The following RAD51B variants were observed in gnomAD, a reference collection of about 807,000 sequenced individuals.
The protein encoded by RAD51B is RAD51 paralog B, also known as DNA repair protein RAD51 homolog 2.
In RAD51B, 38 loss-of-function variants were observed where a neutral mutation model predicts 42.2. The observed-to-expected ratio is 0.90, with a 90% CI of 0.70 to 1.18. The LOEUF (loss-of-function observed/expected upper bound fraction) is 1.18. Ranked by LOEUF, RAD51B falls within the 50% of genes most tolerant of loss-of-function variation. The pLI is 0.00. For synonymous variants in RAD51B, 154 were observed against 145.2 expected, an observed-to-expected ratio of 1.06 and a Z score of -0.43; for missense variants, 373 against 400.7, an observed-to-expected ratio of 0.93 and a Z score of 0.59.
intron 7 of RAD51B, among the ~76,000 whole-genome samples, chr14:68,114,868 T>C (rs1030806149): frequency 1.4e-4 from 22 of 152,292 alleles, no homozygotes; most frequent in African/African-American, 5.3e-4. Context: ...AGTATGAAAC[T>C]AGGTTTTCTT....
At chr14:68,540,166 C>CTTTTTTTTTTTTTTTT in intron 10 of RAD51B, 1 of 459,048 alleles carries the variant, frequency 2.2e-6, no homozygotes, top group Non-Finnish European at 2.7e-6. Context: ...TACCCTGCTC[C>CTTTTTTTTTTTTTTTT]TTTTTTTTTT....
chr14:68,236,189 T>C (rs2080253050), intron 7 of RAD51B: 1 of 152,158 alleles, frequency 6.6e-6, no homozygotes, highest in Admixed American at 6.5e-5. Flanking sequence ...CAAACTGGTA[T>C]ATGTGCCCCT....
At chr14:67,993,417 T>C (rs1008094979) in intron 7 of RAD51B, among the ~76,000 whole-genome samples, 4 of 152,184 alleles carry the variant, frequency 2.6e-5, no homozygotes, top group Non-Finnish European at 5.9e-5. Flanking sequence ...AATTTTTAGC[T>C]CCCACAAACA....
rs374601187 is a variant in RAD51B at position 67,885,870 on chromosome 14, C to T, written c.454C>T (p.Leu152=). The T allele has an allele frequency of 6.1e-5, 97 of 1,602,992 alleles. No homozygotes were observed. The highest frequency in any genetic ancestry group is 1.5e-4 in the Admixed American group (9 of 59,548). Residue 152 remains leucine, a splice_region_variant and synonymous_variant, in exon 6 of 11, where the codon CTG becomes TTG. Transcript: ENST00000471583. ...TTGTGCTATTTTTTTCACCCACAGA[C>T]TGGTTGAAATAGCAGAATCCCGTTT... ...DTESAFSAER[L]VEIAESRFPR...
chr14:67,880,920 G>A (rs2042886001), intron 5 of RAD51B, among the ~76,000 whole-genome samples: 1 of 152,070 alleles, frequency 6.6e-6, no homozygotes. Context: ...TAACAATTGG[G>A]ATATGTTCTG....
At chr14:68,611,551 G>C in exon 11 of RAD51B, 1 of 442,072 alleles carries the variant, frequency 2.3e-6, no homozygotes, top group Non-Finnish European at 4.1e-6. Context: ...ATTAAGCCTT[G>C]CAGCTCCTAG....
chr14:68,537,265 G>A (rs1032731483), intron 10 of RAD51B, among the ~76,000 whole-genome samples: 4 of 152,016 alleles, frequency 2.6e-5, no homozygotes, highest in Admixed American at 6.6e-5. Flanking sequence ...TTGGGAGGCC[G>A]AGGCGGGCGG....
At chr14:68,024,187 C>T (rs996727643) in intron 7 of RAD51B, among the ~76,000 whole-genome samples, 1 of 152,036 alleles carries the variant, frequency 6.6e-6, no homozygotes, top group Non-Finnish European at 1.5e-5. Context: ...TTCTATTCTG[C>T]TGTATTGATC....
At chr14:68,325,250 T>A (rs2082227027) in intron 8 of RAD51B, among the ~76,000 whole-genome samples, 1 of 152,228 alleles carries the variant, frequency 6.6e-6, no homozygotes, top group Non-Finnish European at 1.5e-5. Flanking sequence ...GTTAAATGCA[T>A]TAAAATATGT....
chr14:68,180,090 A>G (rs1220364204), intron 7 of RAD51B, among the ~76,000 whole-genome samples: 2 of 152,184 alleles, frequency 1.3e-5, no homozygotes, highest in Non-Finnish European at 2.9e-5. Context: ...TCAGTCCTGA[A>G]TAACATGTAT....
intron 10 of RAD51B, among the ~76,000 whole-genome samples, chr14:68,573,080 C>G (rs1889790351): frequency 6.6e-6 from 1 of 152,170 alleles, no homozygotes; most frequent in African/African-American, 2.4e-5. Context: ...TCACCTCATA[C>G]TACTCTATCT....
intron 7 of RAD51B, among the ~76,000 whole-genome samples, chr14:67,929,877 T>G (rs1306717211): frequency 2.0e-5 from 3 of 152,058 alleles, no homozygotes; most frequent in Non-Finnish European, 2.9e-5. Context: ...CTTGAGCTCC[T>G]GGCCTCAAGT....
chr14:68,506,402 G>A (rs902675340), intron 10 of RAD51B, among the ~76,000 whole-genome samples: 3 of 152,160 alleles, frequency 2.0e-5, no homozygotes, highest in African/African-American at 4.8e-5. Flanking sequence ...GCTACAAAAC[G>A]TGGTGGAAAC....
chr14:68,279,535 T>A lies in RAD51B; in HGVS notation c.757-12349T>A, dbSNP rs551953171. Among the ~76,000 whole-genome samples, 14 of 152,296 alleles carry A rather than the reference T, an allele frequency of 9.2e-5. No homozygotes were observed. The South Asian group carries it at 2.9e-3, about 32-fold the overall frequency. ...CAGCCTGGCCTCTTGGCTAGATGAC[T>A]TCAAAGACCAAAGACAAACCCCTGG... is the stretch of plus-strand genomic sequence containing the variant. On this transcript the variant is annotated intron_variant, in intron 7 of 10. Transcript: ENST00000471583.
chr14:68,416,766 G>A (rs998084903), intron 9 of RAD51B, among the ~76,000 whole-genome samples: 3 of 152,178 alleles, frequency 2.0e-5, no homozygotes, highest in East Asian at 1.9e-4. Flanking sequence ...TGGGAGTCAG[G>A]CTTCCCCTGG....
intron 11 of RAD51B, among the ~76,000 whole-genome samples, chr14:68,656,782 G>A (rs1474077866): frequency 1.3e-5 from 2 of 152,096 alleles, no homozygotes; most frequent in African/African-American, 4.8e-5. Flanking sequence ...GGTGCAGCAT[G>A]GCAGAGAGGA....
rs1459148166 is a variant in RAD51B, at chr14:68,115,206, T to A, written c.757-176678T>A. ...GTGGCACATATACACCATGGAATAC[T>A]ATGCAGCCATAAAAAATGATGAGTT... On this transcript the variant is annotated intron_variant, in intron 7 of 10. Coordinates refer to ENST00000471583, the MANE Select transcript of RAD51B (RefSeq NM_133510.4). Among the ~76,000 whole-genome samples the A allele has an allele frequency of 3.0e-3, 409 of 135,754 alleles. 1 individual carries two copies. The highest frequency in any genetic ancestry group is 5.2e-3 in the Non-Finnish European group (346 of 66,032). 89.1% of individuals were successfully genotyped at this position (135,754 alleles called of 152,430 possible).
At chr14:67,879,426 A>T (rs1416063186) in intron 5 of RAD51B, among the ~76,000 whole-genome samples, 1 of 152,102 alleles carries the variant, frequency 6.6e-6, no homozygotes, top group Non-Finnish European at 1.5e-5. Context: ...ACTGACTGTC[A>T]TATATTTTTT....
At chr14:68,435,177 A>C (rs2085115869) in intron 9 of RAD51B, among the ~76,000 whole-genome samples, 1 of 151,890 alleles carries the variant, frequency 6.6e-6, no homozygotes, top group Non-Finnish European at 1.5e-5. Context: ...CCTTTCCCCC[A>C]TCCTCCTCTT....
Sources: allele counts gnomAD v4.1 joint callset (sites outside exome capture counted in the v4.1 genomes callset), GRCh38; gene constraint gnomAD v4.1.1; transcripts MANE v1.5; gene names NCBI Gene and HGNC (gene_info 2026-07-23, HGNC 2026-07-21).